The following ANGPT1 variants were observed in gnomAD, a reference collection of about 807,000 sequenced individuals.
ANGPT1 encodes the protein angiopoietin 1.
Under a neutral mutation model 62.2 loss-of-function variants are expected in ANGPT1, and 17 were observed. The observed-to-expected ratio is 0.27, with a 90% CI of 0.19 to 0.41. The LOEUF (loss-of-function observed/expected upper bound fraction) is 0.41, where lower values mean the gene tolerates loss of function less well. Among genes scored for constraint, ANGPT1 ranks in the 10% least tolerant of loss-of-function variants. The probability of loss-of-function intolerance (pLI) is 1.00; values close to 1 mark genes in which losing one functional copy is unlikely to be tolerated. For missense variants in ANGPT1, 478 were observed against 594.9 expected, an observed-to-expected ratio of 0.80 and a Z score of 2.04; for synonymous variants, 199 against 198.9, an observed-to-expected ratio of 1.00 and a Z score of 0.00.
chr8:107,389,919 C>T (rs1462126857), intron 1 of ANGPT1, among the ~76,000 whole-genome samples: 2 of 149,128 alleles, frequency 1.3e-5, no homozygotes, highest in African/African-American at 5.0e-5. Context: ...AAATATTGAA[C>T]CATAAGGTTT....
At chr8:107,350,164 T>A (rs1286494754) in intron 1 of ANGPT1, among the ~76,000 whole-genome samples, 1 of 152,174 alleles carries the variant, frequency 6.6e-6, no homozygotes, top group Non-Finnish European at 1.5e-5. Flanking sequence ...GGTGCAAACT[T>A]CTTACCATGT....
intron 4 of ANGPT1, 122 bp downstream of exon 4, chr8:107,321,774 C>A: frequency 1.4e-6 from 1 of 725,874 alleles, no homozygotes; most frequent in Non-Finnish European, 2.2e-6. Context: ...TGATTCTAAC[C>A]ATAAAGTTCT....
At chr8:107,394,140 G>A (rs560633366) in intron 1 of ANGPT1, among the ~76,000 whole-genome samples, 2 of 152,148 alleles carry the variant, frequency 1.3e-5, no homozygotes. Flanking sequence ...CTAGGGGTTA[G>A]AGCTGGAGAG....
intron 5 of ANGPT1, among the ~76,000 whole-genome samples, chr8:107,302,919 T>C (rs1177392843): frequency 6.6e-6 from 1 of 151,950 alleles, no homozygotes; most frequent in African/African-American, 2.4e-5. Flanking sequence ...AGATGGCTTC[T>C]CTTTCCCATA....
At chr8:107,458,848 A>G (rs930235448) in intron 1 of ANGPT1, among the ~76,000 whole-genome samples, 1 of 152,142 alleles carries the variant, frequency 6.6e-6, no homozygotes, top group African/African-American at 2.4e-5. Flanking sequence ...AACCCTATCA[A>G]ATAAATTCTA....
Position 107,453,548 on chromosome 8 carries a change from G to T in ANGPT1, c.297+43714C>A, listed in dbSNP as rs1008490411. ...TATTCACTATCACAAGAACAGCATG[G>T]GAAAGCCCTGCCCCCATGATTCAAT... is the stretch of plus-strand genomic sequence containing the variant. On this transcript the variant is annotated intron_variant, in intron 1 of 8. Transcript: ENST00000517746. Among the ~76,000 whole-genome samples the T allele has an allele frequency of 2.0e-5, 3 of 151,954 alleles. No individual in the cohort carries two copies. The South Asian group carries it at 6.2e-4, about 32-fold the overall frequency.
At chr8:107,349,329 T>TC (rs1003194567) in intron 1 of ANGPT1, among the ~76,000 whole-genome samples, 1 of 152,064 alleles carries the variant, frequency 6.6e-6, no homozygotes, top group Non-Finnish European at 1.5e-5. Context: ...CAACCTTTTT[T>TC]CCCCTTCAAT....
chr8:107,397,200 A>C (rs187818405), intron 1 of ANGPT1, among the ~76,000 whole-genome samples: 1 of 152,296 alleles, frequency 6.6e-6, no homozygotes, highest in Admixed American at 6.5e-5. Flanking sequence ...CAAAACCATC[A>C]TTCCTAGAGG....
chr8:107,493,738 T>C (rs963183324), intron 1 of ANGPT1, among the ~76,000 whole-genome samples: 3 of 150,380 alleles, frequency 2.0e-5, no homozygotes, highest in African/African-American at 7.4e-5. Flanking sequence ...ACTGAGGTTA[T>C]GACATTGGAC....
chr8:107,400,454 TGTCC>T (rs1817022837), intron 1 of ANGPT1, among the ~76,000 whole-genome samples: 1 of 152,162 alleles, frequency 6.6e-6, no homozygotes, highest in Admixed American at 6.5e-5. Context: ...CAAGCGTCAC[TGTCC>T]ATTGGAAACA....
At chr8:107,274,296 G>A (rs762493324) in intron 7 of ANGPT1, among the ~76,000 whole-genome samples, 25 of 152,068 alleles carry the variant, frequency 1.6e-4, no homozygotes, top group Non-Finnish European at 2.6e-4. Flanking sequence ...ATAGTAACAC[G>A]GTAAGTGTAT....
chr8:107,433,420 GA>G lies in ANGPT1; in HGVS notation c.297+63841del, dbSNP rs1228398144. Among the ~76,000 whole-genome samples the G allele has an allele frequency of 2.0e-5, 3 of 152,164 alleles. No individual in the cohort carries two copies. The South Asian group carries it at 6.2e-4, about 32-fold the overall frequency. On this transcript the variant is annotated intron_variant, in intron 1 of 8. Transcript: ENST00000517746. Reference sequence around the variant, plus strand: ...TGTGGCTTTCAAGATCCTGTGCAGAGAAAGGACATGTCCAGACATACTATTC... The same window carrying G: ...TGTGGCTTTCAAGATCCTGTGCAGAGAAGGACATGTCCAGACATACTATTC...
intron 3 of ANGPT1, among the ~76,000 whole-genome samples, chr8:107,327,203 ATG>A (rs1399541092): frequency 6.6e-6 from 1 of 152,006 alleles, no homozygotes; most frequent in African/African-American, 2.4e-5. Flanking sequence ...CATTAAATTT[ATG>A]TGTTAATTTT....
chr8:107,419,461 C>T (rs571471544), intron 1 of ANGPT1, among the ~76,000 whole-genome samples: 1 of 152,218 alleles, frequency 6.6e-6, no homozygotes, highest in South Asian at 2.1e-4. Flanking sequence ...TTAGATCATA[C>T]CCTTTTGTCC....
At position 107,251,474 on chromosome 8, in the gene ANGPT1, G is replaced by T; in HGVS notation, c.*381C>A. 1 of 179,194 alleles carries T rather than the reference G, an allele frequency of 5.6e-6. No individual in the cohort carries two copies. Among genetic ancestry groups the T allele is most frequent in the Non-Finnish European group, 1.2e-5 (1 of 83,518 alleles). 11.1% of individuals were successfully genotyped at this position (179,194 alleles called of 1,614,324 possible). A position where few individuals can be genotyped will look rare whatever the true frequency, so the allele number is the denominator to read the frequency against. On this transcript the variant is annotated 3_prime_UTR_variant, in exon 9 of 9. Transcript: ENST00000517746. ...TGGCAGGCTTGTTTCTATTCTTCATGTATATTCTCTTTTTCACTCTTTTTT... is the reference window on the plus strand; with the variant it reads ...TGGCAGGCTTGTTTCTATTCTTCATTTATATTCTCTTTTTCACTCTTTTTT...
chr8:107,287,464 C>CA (rs1814169987), intron 6 of ANGPT1, among the ~76,000 whole-genome samples: 1 of 152,072 alleles, frequency 6.6e-6, no homozygotes, highest in Admixed American at 6.6e-5. Flanking sequence ...AGCTCCTTCC[C>CA]AAAAAACTGT....
intron 1 of ANGPT1, among the ~76,000 whole-genome samples, chr8:107,469,307 T>C (rs1360459591): frequency 6.6e-6 from 1 of 152,018 alleles, no homozygotes; most frequent in African/African-American, 2.4e-5. Context: ...TGTGTTAACA[T>C]AAAATGATTT....
At chr8:107,310,892 G>A (rs1233104169) in intron 4 of ANGPT1, among the ~76,000 whole-genome samples, 1 of 151,920 alleles carries the variant, frequency 6.6e-6, no homozygotes, top group Non-Finnish European at 1.5e-5. Flanking sequence ...GGCTGGCGGG[G>A]TAGTGAGAGT....
intron 2 of ANGPT1, chr8:107,336,548 C>T (rs1320533376): frequency 4.1e-6 from 1 of 244,632 alleles, no homozygotes; most frequent in Admixed American, 6.2e-5. Flanking sequence ...GCCTGTAGTC[C>T]CAGCTACTCG....
Sources: gnomAD v4.1 joint callset for allele counts (sites outside exome capture counted in the v4.1 genomes callset) on GRCh38, gnomAD v4.1.1 for gene constraint, MANE v1.5 for transcripts, NCBI Gene and HGNC (gene_info 2026-07-23, HGNC 2026-07-21) for gene names.